SUSD5: variants seen among roughly 807,000 people sequenced by gnomAD.
The protein encoded by SUSD5 is sushi domain-containing protein 5.
Under a neutral mutation model 29.5 loss-of-function variants are expected in SUSD5, and 33 were observed. The observed-to-expected ratio is 1.12, with a 90% CI of 0.85 to 1.49. The LOEUF (loss-of-function observed/expected upper bound fraction) is 1.49, where lower values mean the gene tolerates loss of function less well. SUSD5 is among the 40% of genes most tolerant of loss of function. SUSD5 has a pLI of 0.00. For synonymous variants in SUSD5, 308 were observed against 325.3 expected, an observed-to-expected ratio of 0.95 and a Z score of 0.57; for missense variants, 776 against 800.6, an observed-to-expected ratio of 0.97 and a Z score of 0.37.
At chr3:33,161,357 C>T (rs1295376072) in intron 4 of SUSD5, among the ~76,000 whole-genome samples, 1 of 151,788 alleles carries the variant, frequency 6.6e-6, no homozygotes, top group South Asian at 2.1e-4. Flanking sequence ...TCTAGAGTAA[C>T]CACTGAAAGG....
chr3:33,175,149 A>C, intron 3 of SUSD5, 75 bp from the exon 4 acceptor site: 1 of 1,497,814 alleles, frequency 6.7e-7, no homozygotes, highest in Non-Finnish European at 9.1e-7. Context: ...ACAGACTTAA[A>C]ACACAACTCT....
chr3:33,158,619 G>T (rs73045360), intron 4 of SUSD5, among the ~76,000 whole-genome samples: 20,591 of 152,156 alleles, frequency 0.14, 1,652 homozygotes, highest in South Asian at 0.24. Context: ...CAACCAATTT[G>T]TTCTTAATTA....
rs557643466 is a variant in SUSD5, at chr3:33,158,719, T to C, written c.599-4686A>G. The stretch of plus-strand genomic sequence containing the variant: ...CAGTTGTCTCCTAGAGGTTCTGCTG[T>C]TGAGGATGAATATCCCTGTTCTCAG... On this transcript the variant is annotated intron_variant, in intron 4 of 4. Transcript: ENST00000309558. Among the ~76,000 whole-genome samples the C allele has an allele frequency of 2.0e-5, 3 of 152,326 alleles. No homozygotes were observed. The East Asian group carries it at 5.8e-4, about 29-fold the overall frequency.
chr3:33,199,016 AAGAT>A (rs2032050065), intron 3 of SUSD5, among the ~76,000 whole-genome samples: 2 of 152,220 alleles, frequency 1.3e-5, no homozygotes, highest in Admixed American at 6.5e-5. Context: ...TAAAAGATAA[AAGAT>A]AGGCTGAGAA....
At chr3:33,190,914 C>T (rs1220000837) in intron 3 of SUSD5, among the ~76,000 whole-genome samples, 1 of 152,122 alleles carries the variant, frequency 6.6e-6, no homozygotes, top group African/African-American at 2.4e-5. Context: ...TTAATCTCCC[C>T]TAAATTGTCT....
chr3:33,203,278 ACT>A (rs1026706806), intron 3 of SUSD5, among the ~76,000 whole-genome samples: 1 of 152,044 alleles, frequency 6.6e-6, no homozygotes, highest in Non-Finnish European at 1.5e-5. Context: ...CAGGGATAGA[ACT>A]CTCTCTGAGT....
chr3:33,158,409 G>T (rs1374055472), intron 4 of SUSD5, among the ~76,000 whole-genome samples: 5 of 152,132 alleles, frequency 3.3e-5, no homozygotes, highest in Admixed American at 3.3e-4. Flanking sequence ...CCTGGCTGGT[G>T]AGAGCATCTC....
At chr3:33,169,928 T>TC (rs1285417369) in intron 4 of SUSD5, among the ~76,000 whole-genome samples, 21 of 151,788 alleles carry the variant, frequency 1.4e-4, no homozygotes, top group African/African-American at 4.4e-4. Flanking sequence ...TTTCTTTCTT[T>TC]TTTTTTTGAG....
intron 3 of SUSD5, among the ~76,000 whole-genome samples, chr3:33,193,840 A>T (rs2031944286): frequency 6.6e-6 from 1 of 152,174 alleles, no homozygotes; most frequent in Admixed American, 6.5e-5. Flanking sequence ...TTTATAGTGT[A>T]ACATTGAAAC....
chr3:33,161,779 G>A (rs991242909), intron 4 of SUSD5, among the ~76,000 whole-genome samples: 1 of 152,066 alleles, frequency 6.6e-6, no homozygotes, highest in Non-Finnish European at 1.5e-5. Context: ...CAATTCACCT[G>A]GAAGATATCA....
In SUSD5 at chr3:33,185,311, T is replaced by C. The variant is rs372587155; in HGVS notation, c.410-10237A>G. 5.3e-5 allele frequency among the ~76,000 whole-genome samples: 8 copies of C among 152,360 alleles called. No individual in the cohort carries two copies. In the South Asian group the frequency reaches 8.3e-4, roughly 16 times the overall value. On this transcript the variant is annotated intron_variant, in intron 3 of 4. Transcript: ENST00000309558. Reference sequence around the variant, plus strand: ...TTTCAAAATGGTTCTTTTTCCTCTCTGTTTGCTGGAAGCAAAAGATTTTTC... The same window carrying C: ...TTTCAAAATGGTTCTTTTTCCTCTCCGTTTGCTGGAAGCAAAAGATTTTTC...
In SUSD5 at chr3:33,204,446, G is replaced by C. The variant is rs1002447642; in HGVS notation, c.409+3362C>G. On this transcript the variant is annotated intron_variant, in intron 3 of 4. Coordinates refer to ENST00000309558, the MANE Select transcript of SUSD5 (RefSeq NM_015551.2). The surrounding 1 kb of genome is among the most constrained non-coding windows in gnomAD (Gnocchi z 4.5). ...CACCATTCTCCTGCCTCAGCCTCCC[G>C]AGCAGCTGGGACGACAGGTGCCCAC... 6.6e-6 allele frequency among the ~76,000 whole-genome samples: 1 copy of C among 151,892 alleles called. No homozygotes were observed. Among genetic ancestry groups the C allele is most frequent in the Non-Finnish European group, 1.5e-5 (1 of 68,002 alleles).
At chr3:33,155,006 T>C (rs144221859) in intron 4 of SUSD5, among the ~76,000 whole-genome samples, 1 of 152,240 alleles carries the variant, frequency 6.6e-6, no homozygotes, top group African/African-American at 2.4e-5. Context: ...GGAAGACATA[T>C]GCAAAACATT....
intron 3 of SUSD5, among the ~76,000 whole-genome samples, chr3:33,196,227 A>G (rs1167068680): frequency 6.6e-6 from 1 of 152,248 alleles, no homozygotes; most frequent in Non-Finnish European, 1.5e-5. Flanking sequence ...TTGGGCCATG[A>G]AAAGGGGAAA....
At chr3:33,161,224 T>C (rs182876070) in intron 4 of SUSD5, among the ~76,000 whole-genome samples, 8 of 152,246 alleles carry the variant, frequency 5.3e-5, no homozygotes, top group African/African-American at 1.9e-4. Context: ...CATTTGACAA[T>C]AGCATAGAAG....
chr3:33,158,771 G>A (rs773002220), intron 4 of SUSD5, among the ~76,000 whole-genome samples: 7 of 152,094 alleles, frequency 4.6e-5, no homozygotes, highest in African/African-American at 7.2e-5. Flanking sequence ...TTTCATGAGG[G>A]GTAAGGTAGG....
chr3:33,203,688 G>A (rs2032161749), intron 3 of SUSD5, among the ~76,000 whole-genome samples: 1 of 152,216 alleles, frequency 6.6e-6, no homozygotes, highest in African/African-American at 2.4e-5. Context: ...CAAAAGCTGA[G>A]ACGACCTAGA....
intron 3 of SUSD5, among the ~76,000 whole-genome samples, chr3:33,197,470 T>C (rs2032016606): frequency 6.6e-6 from 1 of 152,210 alleles, no homozygotes. Context: ...TTTTAAAGTA[T>C]TATTTATATA....
Position 33,169,562 on chromosome 3 carries a change from T to C in SUSD5, c.598+5324A>G, listed in dbSNP as rs539519478. 2.6e-5 allele frequency among the ~76,000 whole-genome samples: 4 copies of C among 152,228 alleles called. No individual in the cohort carries two copies. The East Asian group carries it at 7.7e-4, about 29-fold the overall frequency. On this transcript the variant is annotated intron_variant, in intron 4 of 4. Coordinates refer to ENST00000309558, the MANE Select transcript of SUSD5 (RefSeq NM_015551.2). The stretch of plus-strand genomic sequence containing the variant: ...TGAGTACAGTTTATGGTATGCAAAT[T>C]AAACCCAATAGAGTTGTTGAAAAAG...
Sources: gnomAD v4.1 joint callset for allele counts (sites outside exome capture counted in the v4.1 genomes callset) on GRCh38, gnomAD v4.1.1 for gene constraint, Gnocchi (gnomAD v3.1) non-coding constraint, MANE v1.5 for transcripts, NCBI Gene and HGNC (gene_info 2026-07-23, HGNC 2026-07-21) for gene names.